Variants in HLA-DRB1 observed in about 807,000 individuals in gnomAD.
The protein encoded by HLA-DRB1 is major histocompatibility complex, class II, DR beta 1, also known as major histocompatibility complex, class II, DR beta 1 precursor.
A neutral mutation model predicts 27.9 loss-of-function variants in HLA-DRB1; 10 were observed. That is an observed-to-expected ratio of 0.36 (90% CI 0.22 to 0.61). The LOEUF is 0.61. HLA-DRB1 is among the 20% of genes least tolerant of loss of function. The pLI is 0.73. For missense variants in HLA-DRB1, 118 were observed against 306.3 expected (o/e 0.39, Z 4.59); for synonymous variants, 57 against 126.7 (o/e 0.45, Z 3.69).
intron 2 of HLA-DRB1, among the ~76,000 whole-genome samples, chr6:32,582,814 G>A (rs147550262): frequency 0.063 from 8,121 of 128,954 alleles, 673 homozygotes; most frequent in East Asian, 0.11. Context: ...GTTACTTGGG[G>A]TGCTTATGCC....
chr6:32,585,928 A>G (rs9270048), intron 1 of HLA-DRB1, among the ~76,000 whole-genome samples: 76,318 of 96,014 alleles, frequency 0.79, 32,141 homozygotes, highest in Middle Eastern at 0.88. Flanking sequence ...CATAGGCCTG[A>G]TACACAGTCA....
At chr6:32,581,831 A>C (rs62799161) in exon 3 of HLA-DRB1, 1 of 1,227,930 alleles carries the variant, frequency 8.1e-7, no homozygotes. Context: ...CAGTCACCTT[A>C]GGTTGGACTA....
chr6:32,581,402 A>T (rs28732322), intron 3 of HLA-DRB1, among the ~76,000 whole-genome samples, 155 bp downstream of exon 3: 1 of 38,924 alleles, frequency 2.6e-5, no homozygotes, highest in South Asian at 7.6e-4. Context: ...TTCTAGAAAC[A>T]CCTACAGGGC....
At chr6:32,581,346 T>G in intron 3 of HLA-DRB1, among the ~76,000 whole-genome samples, 1 of 90,294 alleles carries the variant, frequency 1.1e-5, no homozygotes. Flanking sequence ...AGGGACAGTC[T>G]CTCCCGCCTG....
chr6:32,588,114 C>T (rs1041459965), intron 1 of HLA-DRB1, among the ~76,000 whole-genome samples: 12,926 of 127,876 alleles, frequency 0.1, 597 homozygotes, highest in Non-Finnish European at 0.13. Flanking sequence ...GAAGAATTCA[C>T]AGATAAAGAA....
chr6:32,586,593 A>C, intron 1 of HLA-DRB1, among the ~76,000 whole-genome samples: 1 of 51,744 alleles, frequency 1.9e-5, no homozygotes, highest in Non-Finnish European at 3.9e-5. Context: ...CCATCTCCCT[A>C]TGTATCCTCT....
Position 32,587,050 on chromosome 6 carries a change from ACAATC to A in HLA-DRB1, c.100+2588_100+2592del, listed in dbSNP as rs1341209940. On this transcript the variant is annotated intron_variant, in intron 1 of 5. Coordinates refer to ENST00000360004, the Ensembl canonical transcript of HLA-DRB1. ...TCTTCCTAACCACTAGTGAACCCCAACAATCCAATCCCCACAGAGTAGCTAGAATT... is the reference window on the plus strand; with the variant it reads ...TCTTCCTAACCACTAGTGAACCCCAACAATCCCCACAGAGTAGCTAGAATT... Among the ~76,000 whole-genome samples, 8 of 71,578 alleles carry A rather than the reference ACAATC, an allele frequency of 1.1e-4. 2 individuals are homozygous for A. Among genetic ancestry groups the A allele is most frequent in the Non-Finnish European group, 2.3e-4 (8 of 35,038 alleles). 47.0% of individuals were successfully genotyped at this position (71,578 alleles called of 152,430 possible).
chr6:32,585,819 G>C (rs1365126337), intron 1 of HLA-DRB1, among the ~76,000 whole-genome samples: 1 of 145,656 alleles, frequency 6.9e-6, no homozygotes, highest in Non-Finnish European at 1.5e-5. Context: ...GTAATACTGG[G>C]TGTTACTTAT....
At chr6:32,580,397 C>G in intron 4 of HLA-DRB1, 127 bp from the exon 5 acceptor site, 1 of 502,938 alleles carries the variant, frequency 2.0e-6, no homozygotes, top group African/African-American at 2.1e-5. Context: ...CCAACCAGGG[C>G]AGAAAGGAGC....
intron 1 of HLA-DRB1, among the ~76,000 whole-genome samples, chr6:32,586,376 A>C (rs1776396015): frequency 1.3e-5 from 1 of 78,868 alleles, no homozygotes. Flanking sequence ...CGACTCCACC[A>C]AACCCAGCAC....
chr6:32,586,319 T>A (rs549954104), intron 1 of HLA-DRB1, among the ~76,000 whole-genome samples: 936 of 85,510 alleles, frequency 0.011, no homozygotes, highest in East Asian at 0.03. Context: ...ACTCTTCAAA[T>A]GGTCCAATCC....
At position 32,588,177 on chromosome 6, in the gene HLA-DRB1, T is replaced by A. The variant is rs1414287314; in HGVS notation, c.100+1466A>T. Among the ~76,000 whole-genome samples, 7 of 131,230 alleles carry A rather than the reference T, an allele frequency of 5.3e-5. No homozygotes were observed. In the East Asian group the frequency reaches 9.4e-4, roughly 18 times the overall value. The allele number at this position is 131,230 out of a possible 152,430, so 86.1% of individuals were successfully genotyped here. A position where few individuals can be genotyped will look rare whatever the true frequency, so the allele number is the denominator to read the frequency against. Reference sequence around the variant, plus strand: ...TTTATTAAGAGTCATCTCTTTTGCCTGGGCACAGTGTCTCACATCTATAAT... The same window carrying A: ...TTTATTAAGAGTCATCTCTTTTGCCAGGGCACAGTGTCTCACATCTATAAT... On this transcript the variant is annotated intron_variant, in intron 1 of 5. Coordinates refer to ENST00000360004, the Ensembl canonical transcript of HLA-DRB1.
intron 3 of HLA-DRB1, among the ~76,000 whole-genome samples, chr6:32,581,342 AG>A (rs1775449540): frequency 8.3e-5 from 8 of 96,420 alleles, no homozygotes; most frequent in East Asian, 2.9e-4. Flanking sequence ...AAAGAGGGAC[AG>A]TCTCTCCCGC....
intron 3 of HLA-DRB1, among the ~76,000 whole-genome samples, chr6:32,581,289 G>GCACA (rs1775436455): frequency 0.021 from 1,538 of 74,954 alleles, no homozygotes; most frequent in Middle Eastern, 0.045. Context: ...CTGGAGCCTG[G>GCACA]GAGAGTGGGT....
At chr6:32,589,530 ATC>A in intron 1 of HLA-DRB1, 111 bp downstream of exon 1, 1 of 500,360 alleles carries the variant, frequency 2.0e-6, no homozygotes, top group Non-Finnish European at 3.4e-6. Flanking sequence ...AAGATGGGCA[ATC>A]TCTGAAGAAA....
intron 1 of HLA-DRB1, among the ~76,000 whole-genome samples, chr6:32,589,432 T>G (rs9270271): frequency 0.15 from 9,974 of 65,594 alleles, 1,016 homozygotes; most frequent in East Asian, 0.26. Flanking sequence ...AAGAAATGAT[T>G]TGTGCAAAGG....
intron 1 of HLA-DRB1, among the ~76,000 whole-genome samples, chr6:32,589,389 G>C: frequency 7.3e-6 from 1 of 137,202 alleles, no homozygotes; most frequent in Non-Finnish European, 1.5e-5. Context: ...CTGAGGACAT[G>C]TGATGCAAAG....
exon 2 of HLA-DRB1, chr6:32,584,262 C>T (rs150747106): frequency 0.2 from 268,195 of 1,333,924 alleles, 4,774 homozygotes; most frequent in Non-Finnish European, 0.22. Flanking sequence ...AACTCCCCCA[C>T]GTCGCTGTCG....
At chr6:32,587,738 A>C (rs17203699) in intron 1 of HLA-DRB1, among the ~76,000 whole-genome samples, 47,266 of 116,566 alleles carry the variant, frequency 0.41, 12,008 homozygotes, top group Middle Eastern at 0.59. Flanking sequence ...CTTTTTCACA[A>C]ACCTGATGTC....
Sources: allele counts gnomAD v4.1 joint callset (sites outside exome capture counted in the v4.1 genomes callset), GRCh38; gene constraint gnomAD v4.1.1; transcripts MANE v1.5; gene names NCBI Gene and HGNC (gene_info 2026-07-23, HGNC 2026-07-21).